The following PTPRN2 variants were observed in gnomAD, a reference collection of about 807,000 sequenced individuals.
PTPRN2 encodes the protein receptor-type tyrosine-protein phosphatase N2.
PTPRN2 carries 74 observed loss-of-function variants against 118.8 expected under a neutral mutation model. The observed-to-expected ratio is 0.62, with a 90% CI of 0.52 to 0.76. PTPRN2 has a LOEUF of 0.76. PTPRN2 is among the 30% of genes least tolerant of loss of function. The pLI is 0.00. For missense variants in PTPRN2, 1,481 were observed against 1,394.4 expected, an observed-to-expected ratio of 1.06 and a Z score of -0.99; for synonymous variants, 641 against 608.0, an observed-to-expected ratio of 1.05 and a Z score of -0.80.
At chr7:158,382,394 C>T (rs1397370252) in intron 2 of PTPRN2, among the ~76,000 whole-genome samples, 3 of 152,142 alleles carry the variant, frequency 2.0e-5, no homozygotes, top group African/African-American at 7.2e-5. Flanking sequence ...CAAAGTATCC[C>T]ATGAATGCGA....
rs892004326 is a variant in PTPRN2 at position 157,729,305 on chromosome 7, G to A, written c.1789-46368C>T. Among the ~76,000 whole-genome samples, 4 of 152,126 alleles carry A rather than the reference G, an allele frequency of 2.6e-5. No individual in the cohort carries two copies. The highest frequency in any genetic ancestry group is 7.2e-5 in the African/African-American group (3 of 41,428). ...TTGGGAGGCAGGTGGGAACCCATGA[G>A]CTGTCTTGAGCACAGTGGCTGGAGT... On this transcript the variant is annotated intron_variant, in intron 12 of 22. Coordinates refer to ENST00000389418, the MANE Select transcript of PTPRN2 (RefSeq NM_002847.5). This position sits in a 1 kb window ranked among gnomAD's most constrained non-coding sequence, Gnocchi z 4.3.
intron 12 of PTPRN2, among the ~76,000 whole-genome samples, chr7:157,707,239 CACAT>C (rs909632705): frequency 2.4e-4 from 36 of 151,854 alleles, no homozygotes; most frequent in African/African-American, 7.0e-4. Flanking sequence ...ACCTCGCACA[CACAT>C]ACACAGAAAC....
At chr7:158,290,276 G>C (rs1435457629) in intron 3 of PTPRN2, among the ~76,000 whole-genome samples, 2 of 152,174 alleles carry the variant, frequency 1.3e-5, no homozygotes, top group African/African-American at 4.8e-5. Flanking sequence ...TGGATCCTGA[G>C]TCCACAGGGA....
intron 11 of PTPRN2, among the ~76,000 whole-genome samples, chr7:157,927,006 G>A (rs113590047): frequency 3.6e-3 from 269 of 75,462 alleles, no homozygotes; most frequent in Middle Eastern, 0.019. Context: ...CAGAGGCCTC[G>A]CGTCTTCTGG....
intron 12 of PTPRN2, among the ~76,000 whole-genome samples, chr7:157,746,093 C>G (rs971649077): frequency 7.3e-5 from 11 of 151,080 alleles, no homozygotes; most frequent in Non-Finnish European, 1.6e-4. Context: ...CCTCCCTACA[C>G]CCCACAGTCC....
At chr7:158,058,391 G>A (rs1375251437) in intron 11 of PTPRN2, among the ~76,000 whole-genome samples, 7 of 134,800 alleles carry the variant, frequency 5.2e-5, no homozygotes, top group East Asian at 2.2e-4. Flanking sequence ...CACTCCATCT[G>A]CCCACGGTGA....
intron 12 of PTPRN2, among the ~76,000 whole-genome samples, chr7:157,747,843 C>T (rs1195352849): frequency 4.3e-5 from 4 of 93,844 alleles, no homozygotes; most frequent in African/African-American, 5.0e-5. Context: ...TTTGGGCTGT[C>T]CGGGTGATTC....
chr7:157,848,540 A>C (rs1809046388), intron 12 of PTPRN2, among the ~76,000 whole-genome samples: 1 of 152,220 alleles, frequency 6.6e-6, no homozygotes, highest in Admixed American at 6.5e-5. Flanking sequence ...GCCCTCTCTC[A>C]TTCCGTTTGA....
chr7:158,584,333 C>T (rs1828804493), intron 1 of PTPRN2, among the ~76,000 whole-genome samples: 1 of 152,130 alleles, frequency 6.6e-6, no homozygotes, highest in Admixed American at 6.6e-5. Flanking sequence ...GGCTTATGTT[C>T]AAGTTAAACT....
At chr7:158,328,948 C>T (rs1803893059) in intron 2 of PTPRN2, among the ~76,000 whole-genome samples, 1 of 151,536 alleles carries the variant, frequency 6.6e-6, no homozygotes, top group Admixed American at 6.6e-5. Context: ...AGGCCAGCTT[C>T]CCTTGTGAGT....
In PTPRN2 at chr7:158,438,958, A is replaced by G. The variant is rs983997248; in HGVS notation, c.163+50777T>C. Among the ~76,000 whole-genome samples, 1 of 152,180 alleles carries G rather than the reference A, an allele frequency of 6.6e-6. No individual in the cohort carries two copies. The highest frequency in any genetic ancestry group is 6.5e-5 in the Admixed American group (1 of 15,282). ...AAGTCACCCCTCTGAGGCTGCCCTG[A>G]GACAAATGCATCTCATTGCTCCCTC... is the stretch of plus-strand genomic sequence containing the variant. On this transcript the variant is annotated intron_variant, in intron 2 of 22. Coordinates refer to ENST00000389418, the MANE Select transcript of PTPRN2 (RefSeq NM_002847.5). This position sits in a 1 kb window ranked among gnomAD's most constrained non-coding sequence, Gnocchi z 4.7.
intron 11 of PTPRN2, among the ~76,000 whole-genome samples, chr7:157,982,955 G>A (rs865791375): frequency 1.9e-5 from 2 of 102,654 alleles, no homozygotes; most frequent in African/African-American, 4.0e-5. Flanking sequence ...ACAGAGACGA[G>A]GAGGGGAATG....
intron 21 of PTPRN2, among the ~76,000 whole-genome samples, chr7:157,561,925 C>T (rs904794924): frequency 5.3e-5 from 8 of 152,220 alleles, no homozygotes; most frequent in African/African-American, 1.4e-4. Flanking sequence ...ATGCAGTGGA[C>T]GCTGCCCTGC....
At chr7:158,285,836 G>A (rs924076262) in intron 3 of PTPRN2, among the ~76,000 whole-genome samples, 1 of 152,186 alleles carries the variant, frequency 6.6e-6, no homozygotes, top group Non-Finnish European at 1.5e-5. Flanking sequence ...AGCTAGGGAA[G>A]TAGAGATGCT....
In PTPRN2 at chr7:158,004,748, T is replaced by C. The variant is rs575408602; in HGVS notation, c.1723+76550A>G. On this transcript the variant is annotated intron_variant, in intron 11 of 22. Coordinates refer to ENST00000389418, the MANE Select transcript of PTPRN2 (RefSeq NM_002847.5). ...TTACAAACCATCTCCTTCAAGCAAA[T>C]GCATGTAAATTTCACTTCTGTGACT... is the stretch of plus-strand genomic sequence containing the variant. 1.8e-4 allele frequency among the ~76,000 whole-genome samples: 28 copies of C among 152,350 alleles called. 1 individual carries two copies. The East Asian group carries it at 5.0e-3, about 27-fold the overall frequency.
chr7:158,419,861 C>T (rs899772812), intron 2 of PTPRN2, among the ~76,000 whole-genome samples: 2 of 152,172 alleles, frequency 1.3e-5, no homozygotes. Context: ...GTCATTACTT[C>T]AAAGCCCACT....
At chr7:157,839,892 A>T (rs1464581420) in intron 12 of PTPRN2, among the ~76,000 whole-genome samples, 1 of 142,294 alleles carries the variant, frequency 7.0e-6, no homozygotes, top group African/African-American at 2.7e-5. Context: ...GTGACTGTGT[A>T]ACCATGTGTG....
In PTPRN2 at chr7:157,690,401, C is replaced by T. The variant is rs1021272553; in HGVS notation, c.1789-7464G>A. On this transcript the variant is annotated intron_variant, in intron 12 of 22. Coordinates refer to ENST00000389418, the MANE Select transcript of PTPRN2 (RefSeq NM_002847.5). The surrounding 1 kb of genome is among the most constrained non-coding windows in gnomAD (Gnocchi z 7.1). ...ATGCGCGCCCTCCAGCCTTCGAAAG[C>T]TCTCTTCCTCGCCCCACCACCTACG... is the stretch of plus-strand genomic sequence containing the variant. Among the ~76,000 whole-genome samples the T allele has an allele frequency of 2.6e-5, 4 of 152,302 alleles. No homozygotes were observed. Among genetic ancestry groups the T allele is most frequent in the Non-Finnish European group, 4.4e-5 (3 of 68,018 alleles).
intron 9 of PTPRN2, among the ~76,000 whole-genome samples, chr7:158,112,279 T>C (rs1288836372): frequency 6.6e-6 from 1 of 152,144 alleles, no homozygotes; most frequent in Non-Finnish European, 1.5e-5. Context: ...GAGACTGTCT[T>C]GTAAAGTGGG....
Sources: allele counts gnomAD v4.1 joint callset (sites outside exome capture counted in the v4.1 genomes callset), GRCh38; gene constraint gnomAD v4.1.1; non-coding constraint Gnocchi (gnomAD v3.1); transcripts MANE v1.5; gene names NCBI Gene and HGNC (gene_info 2026-07-23, HGNC 2026-07-21).